AHDC1: variants seen among roughly 807,000 people sequenced by gnomAD.
AHDC1 encodes AT-hook DNA binding motif containing 1, also known as transcription factor Gibbin.
Under a neutral mutation model 87.9 loss-of-function variants are expected in AHDC1, and 7 were observed. That is an observed-to-expected ratio of 0.08 (90% CI 0.05 to 0.15). The LOEUF (loss-of-function observed/expected upper bound fraction) is 0.15. AHDC1 is among the 10% of genes least tolerant of loss of function. The probability of loss-of-function intolerance (pLI) is 1.00; values close to 1 mark genes in which losing one functional copy is unlikely to be tolerated. For synonymous variants in AHDC1, 1,051 were observed against 1,006.8 expected (o/e 1.04, Z -0.83); for missense variants, 1,841 against 2,253.2 (o/e 0.82, Z 3.70).
chr1:27,550,992 C>T lies in AHDC1; in HGVS notation c.1124G>A (p.Gly375Glu), dbSNP rs1314642174. 3 of 1,579,868 alleles carry T rather than the reference C, an allele frequency of 1.9e-6. No homozygotes were observed. Among genetic ancestry groups the T allele is most frequent in the East Asian group, 2.3e-5 (1 of 44,328 alleles). ...GGCGTACTTGGGGTGACCCTCAGGCCCGGGGGGGCCGTGCGGTGAGCACAA... is the reference window on the plus strand; with the variant it reads ...GGCGTACTTGGGGTGACCCTCAGGCTCGGGGGGGCCGTGCGGTGAGCACAA... ...LDLCSPHGPP[G>E]PEGHPKYALR... The change falls in exon 8 of 9, where the codon GGG becomes GAG. Residue 375 changes from glycine to glutamate, a missense_variant. By Grantham distance (98) the Gly-to-Glu change is moderately conservative. Coordinates refer to ENST00000673934, the MANE Select transcript of AHDC1 (RefSeq NM_001371928.1).
rs1359763668 is a variant in AHDC1, at chr1:27,558,046, G to A, written c.-225+259C>T. On this transcript the variant is annotated intron_variant, in intron 5 of 8. Coordinates refer to ENST00000673934, the MANE Select transcript of AHDC1 (RefSeq NM_001371928.1). This position sits in a 1 kb window ranked among gnomAD's most constrained non-coding sequence, Gnocchi z 5.6. ...CCCCCAGACCTCAGGCCCCAGGAAT[G>A]CTCCTTTGGAAGTAGGGTGGGGTCC... Among the ~76,000 whole-genome samples the A allele has an allele frequency of 2.6e-5, 4 of 152,206 alleles. No homozygotes were observed. Among genetic ancestry groups the A allele is most frequent in the Non-Finnish European group, 5.9e-5 (4 of 68,024 alleles).
At chr1:27,572,118 T>A (rs1042932091) in intron 3 of AHDC1, among the ~76,000 whole-genome samples, 1 of 150,952 alleles carries the variant, frequency 6.6e-6, no homozygotes. Flanking sequence ...GGGTTGCTTA[T>A]CCATTTTGGG....
In AHDC1 at chr1:27,560,170, G is replaced by A. The variant is rs114527679; in HGVS notation, c.-628-1287C>T. 7.1e-4 allele frequency among the ~76,000 whole-genome samples: 108 copies of A among 151,440 alleles called. No homozygotes were observed. Among genetic ancestry groups the A allele is most frequent in the African/African-American group, 2.4e-3 (101 of 41,228 alleles). ...TGTCTTCAGTCATACATGTGGGTAT[G>A]TGCACTTTTCACGTTTATTTCTATT... On this transcript the variant is annotated intron_variant, in intron 3 of 8. Transcript: ENST00000673934. The surrounding 1 kb of genome is among the most constrained non-coding windows in gnomAD (Gnocchi z 4.1).
rs1364468654 is a variant in AHDC1, at chr1:27,598,072, G to T, written c.-629+5325C>A. ...TTAGTCCTTCCAAGGGTGCCCACTC[G>T]CTCCCCAAGGCACCCTCCCCCAGGT... On this transcript the variant is annotated intron_variant, in intron 3 of 8. Transcript: ENST00000673934. This position sits in a 1 kb window ranked among gnomAD's most constrained non-coding sequence, Gnocchi z 4.2. Among the ~76,000 whole-genome samples the T allele has an allele frequency of 6.6e-6, 1 of 152,130 alleles. No individual in the cohort carries two copies. The highest frequency in any genetic ancestry group is 1.5e-5 in the Non-Finnish European group (1 of 68,034).
intron 8 of AHDC1, among the ~76,000 whole-genome samples, chr1:27,540,782 G>A (rs1055760998): frequency 2.0e-5 from 3 of 151,728 alleles, no homozygotes; most frequent in Non-Finnish European, 4.4e-5. Flanking sequence ...GAGGAAGATC[G>A]GGGCTGAAAA....
chr1:27,591,302 T>C (rs1007513084), intron 3 of AHDC1, among the ~76,000 whole-genome samples: 2 of 152,196 alleles, frequency 1.3e-5, no homozygotes, highest in Non-Finnish European at 2.9e-5. Flanking sequence ...CTCCCCGCTC[T>C]GGCACCACAC....
chr1:27,557,161 G>T (rs2019857814), intron 5 of AHDC1, among the ~76,000 whole-genome samples: 1 of 148,856 alleles, frequency 6.7e-6, no homozygotes, highest in Admixed American at 6.7e-5. Flanking sequence ...CCAGGTGTGT[G>T]GGCGCCACCG....
In AHDC1 at chr1:27,550,073, G is replaced by C; in HGVS notation, c.2043C>G (p.Gly681=). 6.2e-7 allele frequency: 1 copy of C among 1,607,906 alleles called. No homozygotes were observed. ...AGCATCGGGCTGACTTGGCCGCATG[G>C]CCCCCACCCCGGCCACCAAAACCGC... ...KAGGFGGRGG[G]HAAKSARCSF... is the part of the protein sequence containing the mutation. The change falls in exon 8 of 9, where the codon GGC becomes GGG. Residue 681 remains glycine (G), a synonymous_variant. Coordinates refer to ENST00000673934, the MANE Select transcript of AHDC1 (RefSeq NM_001371928.1).
intron 8 of AHDC1, among the ~76,000 whole-genome samples, chr1:27,541,527 C>T (rs2018918118): frequency 6.6e-6 from 1 of 151,884 alleles, no homozygotes; most frequent in Middle Eastern, 3.2e-3. Flanking sequence ...CCATGTTGGC[C>T]AGGCTGGTCT....
At chr1:27,575,918 G>T (rs570356563) in intron 3 of AHDC1, among the ~76,000 whole-genome samples, 1 of 151,930 alleles carries the variant, frequency 6.6e-6, no homozygotes, top group Admixed American at 6.5e-5. Flanking sequence ...CACGTGGCGG[G>T]GGGAGGGGAG....
Position 27,560,665 on chromosome 1 carries a change from TTG to T in AHDC1, c.-628-1784_-628-1783del, listed in dbSNP as rs1468904556. On this transcript the variant is annotated intron_variant, in intron 3 of 8. Transcript: ENST00000673934. The surrounding 1 kb of genome is among the most constrained non-coding windows in gnomAD (Gnocchi z 4.1). ...GCATGTGTGGATTTGTGTGACCTTA[TTG>T]TGTGTCTGTGTACCACAGCGTGTCT... Among the ~76,000 whole-genome samples the T allele has an allele frequency of 2.6e-5, 4 of 152,162 alleles. No individual in the cohort carries two copies. The South Asian group carries it at 8.3e-4, about 32-fold the overall frequency.
At chr1:27,582,122 C>T (rs1457767487) in intron 3 of AHDC1, among the ~76,000 whole-genome samples, 1 of 152,224 alleles carries the variant, frequency 6.6e-6, no homozygotes, top group African/African-American at 2.4e-5. Flanking sequence ...GCAGCTCCAT[C>T]CCTGGACATT....
At chr1:27,568,527 C>A (rs2020420695) in intron 3 of AHDC1, among the ~76,000 whole-genome samples, 1 of 152,158 alleles carries the variant, frequency 6.6e-6, no homozygotes, top group African/African-American at 2.4e-5. Context: ...CCTGCCTTTT[C>A]CTCCACCTCC....
At chr1:27,567,712 C>T (rs2020385715) in intron 3 of AHDC1, among the ~76,000 whole-genome samples, 1 of 152,208 alleles carries the variant, frequency 6.6e-6, no homozygotes, top group Admixed American at 6.5e-5. Flanking sequence ...ACAAGCACCC[C>T]CAAATCACTG....
At chr1:27,600,814 G>A (rs1258448810) in intron 3 of AHDC1, among the ~76,000 whole-genome samples, 1 of 152,122 alleles carries the variant, frequency 6.6e-6, no homozygotes, top group Non-Finnish European at 1.5e-5. Flanking sequence ...AGCTCAGCAG[G>A]GGGTTCCAGA....
intron 3 of AHDC1, among the ~76,000 whole-genome samples, chr1:27,575,686 A>G (rs1018838673): frequency 3.3e-5 from 5 of 150,332 alleles, no homozygotes; most frequent in Admixed American, 6.6e-5. Flanking sequence ...CTCGGCCCCC[A>G]CCCGGTCCAA....
Position 27,590,326 on chromosome 1 carries a change from G to A in AHDC1, c.-629+13071C>T, listed in dbSNP as rs2089189355. Among the ~76,000 whole-genome samples the A allele has an allele frequency of 6.6e-6, 1 of 152,168 alleles. No individual in the cohort carries two copies. The highest frequency in any genetic ancestry group is 2.1e-4 in the South Asian group (1 of 4,834). On this transcript the variant is annotated intron_variant, in intron 3 of 8. Transcript: ENST00000673934. The surrounding 1 kb of genome is among the most constrained non-coding windows in gnomAD (Gnocchi z 5.4). ...GGCCCACAACTCCAACCTACTGTTT[G>A]CCTGGGCCTGTGGGAAGGCCAGACC... is the stretch of plus-strand genomic sequence containing the variant.
intron 3 of AHDC1, among the ~76,000 whole-genome samples, chr1:27,597,098 G>T (rs368395577): frequency 1.3e-5 from 2 of 152,212 alleles, no homozygotes; most frequent in African/African-American, 4.8e-5. Flanking sequence ...CTCACCGACT[G>T]AGAGGACCTT....
chr1:27,592,290 AC>A (rs1181379385), intron 3 of AHDC1, among the ~76,000 whole-genome samples: 4 of 151,812 alleles, frequency 2.6e-5, no homozygotes, highest in African/African-American at 4.8e-5. Flanking sequence ...GCCCGTCACC[AC>A]CCAGCTTGTC....
Sources: gnomAD v4.1 joint callset for allele counts (sites outside exome capture counted in the v4.1 genomes callset) on GRCh38, gnomAD v4.1.1 for gene constraint, Gnocchi (gnomAD v3.1) non-coding constraint, MANE v1.5 for transcripts, NCBI Gene and HGNC (gene_info 2026-07-23, HGNC 2026-07-21) for gene names.